PCDHA6: variants seen among roughly 807,000 people sequenced by gnomAD.
The protein encoded by PCDHA6 is protocadherin alpha 6.
PCDHA6 carries 55 observed loss-of-function variants against 60.3 expected under a neutral mutation model. That is an observed-to-expected ratio of 0.91 (90% CI 0.73 to 1.14). The LOEUF is 1.14. Ranked by LOEUF, PCDHA6 falls within the 50% of genes most tolerant of loss-of-function variation. The pLI is 0.00. For missense variants in PCDHA6, 1,327 were observed against 1,256.5 expected (o/e 1.06, Z -0.85); for synonymous variants, 652 against 557.9 (o/e 1.17, Z -2.38).
rs1781486578 is a variant in PCDHA6, at chr5:140,848,384, T to G, written c.2394+17899T>G. Reference sequence around the variant, plus strand: ...GGAAAGAGGCTCAATTCTTTTTCACTCTCTCTGTGCTGAACGATGGCGAAC... The same window carrying G: ...GGAAAGAGGCTCAATTCTTTTTCACGCTCTCTGTGCTGAACGATGGCGAAC... On this transcript the variant is annotated intron_variant, in intron 1 of 3. Transcript: ENST00000529310. 4 of 1,203,868 alleles carry G rather than the reference T, an allele frequency of 3.3e-6. No homozygotes were observed. In the East Asian group the frequency reaches 9.3e-5, roughly 28 times the overall value. The allele number at this position is 1,203,868 out of a possible 1,614,324, so 74.6% of individuals were successfully genotyped here. A position where few individuals can be genotyped will look rare whatever the true frequency, so the allele number is the denominator to read the frequency against.
chr5:140,863,361 C>T (rs1562578610), intron 1 of PCDHA6: 1 of 1,203,518 alleles, frequency 8.3e-7, no homozygotes. Flanking sequence ...CGCTGCGGTG[C>T]TTGGCGCAGC....
chr5:140,906,137 G>C (rs1462672499), intron 1 of PCDHA6, among the ~76,000 whole-genome samples: 1 of 152,008 alleles, frequency 6.6e-6, no homozygotes, highest in East Asian at 1.9e-4. Context: ...AGTCTCCTTT[G>C]ATAACACCCT....
intron 1 of PCDHA6, among the ~76,000 whole-genome samples, chr5:140,886,732 A>C (rs1457707116): frequency 3.9e-5 from 6 of 151,952 alleles, no homozygotes; most frequent in Non-Finnish European, 8.8e-5. Flanking sequence ...AGGCTGAAGC[A>C]AGAGAATTGC....
intron 1 of PCDHA6, among the ~76,000 whole-genome samples, chr5:140,939,735 G>A (rs2092448026): frequency 6.6e-6 from 1 of 152,174 alleles, no homozygotes; most frequent in South Asian, 2.1e-4. Flanking sequence ...GTGTGTAGCT[G>A]TGTATCATTC....
At chr5:140,922,802 GA>G (rs1475670811) in intron 1 of PCDHA6, among the ~76,000 whole-genome samples, 1 of 152,162 alleles carries the variant, frequency 6.6e-6, no homozygotes, top group African/African-American at 2.4e-5. Flanking sequence ...TTGGAATACA[GA>G]AAAAGGAGAT....
chr5:140,911,885 A>T (rs1242639819), intron 1 of PCDHA6, among the ~76,000 whole-genome samples: 1 of 152,216 alleles, frequency 6.6e-6, no homozygotes, highest in Non-Finnish European at 1.5e-5. Flanking sequence ...TCCTGGGACC[A>T]AAATCTGTAT....
chr5:140,835,632 A>G (rs2150240011), intron 1 of PCDHA6: 1 of 1,613,722 alleles, frequency 6.2e-7, no homozygotes. Flanking sequence ...GGACCGCGAG[A>G]GTGTGTCCGC....
At chr5:140,837,492 T>A (rs1775076857) in intron 1 of PCDHA6, among the ~76,000 whole-genome samples, 1 of 140,282 alleles carries the variant, frequency 7.1e-6, no homozygotes, top group Non-Finnish European at 1.5e-5. Flanking sequence ...TTACTTTACC[T>A]TTCTGAATTT....
At chr5:140,927,306 G>A (rs782091835) in intron 1 of PCDHA6, 1 of 1,614,158 alleles carries the variant, frequency 6.2e-7, no homozygotes, top group Admixed American at 1.7e-5. Flanking sequence ...AGTTCCTGAC[G>A]CCCGGAGCCC....
chr5:140,877,606 G>A, intron 1 of PCDHA6: 1 of 1,613,888 alleles, frequency 6.2e-7, no homozygotes, highest in Non-Finnish European at 8.5e-7. Flanking sequence ...CAGCCTGCTG[G>A]TGCTCACGCT....
rs2150445484 is a variant in PCDHA6, at chr5:140,849,697, A to T, written c.2394+19212A>T. The T allele has an allele frequency of 1.8e-5, 29 of 1,598,622 alleles. 2 individuals carry two copies. Among genetic ancestry groups the T allele is most frequent in the Middle Eastern group, 1.7e-4 (1 of 5,912 alleles). ...GTCCCCTTCAAGCTGGTGTCCACCTACAAGAATTACTACTCGTTGGTGCTG... is the reference window on the plus strand; with the variant it reads ...GTCCCCTTCAAGCTGGTGTCCACCTTCAAGAATTACTACTCGTTGGTGCTG... On this transcript the variant is annotated intron_variant, in intron 1 of 3. Coordinates refer to ENST00000529310, the MANE Select transcript of PCDHA6 (RefSeq NM_018909.4).
rs1554131172 is a variant in PCDHA6 at position 140,828,290 on chromosome 5, G to C, written c.199G>C (p.Ala67Pro). Residue 67 changes from alanine (A) to proline (P), a missense_variant, in exon 1 of 4, where the codon GCC becomes CCC. Coordinates refer to ENST00000529310, the MANE Select transcript of PCDHA6 (RefSeq NM_018909.4). ...GCTGGTGCCGCGCCTGTTCAGGATG[G>C]CCTCCAAAGACCGCGAGGACCTTCT... is the stretch of plus-strand genomic sequence containing the variant. ...AELVPRLFRM[A>P]SKDREDLLEV... 2 of 1,614,002 alleles carry C rather than the reference G, an allele frequency of 1.2e-6. No individual in the cohort carries two copies. The highest frequency in any genetic ancestry group is 1.3e-5 in the African/African-American group (1 of 74,940).
intron 1 of PCDHA6, among the ~76,000 whole-genome samples, chr5:140,914,462 G>A (rs1554196374): frequency 6.6e-6 from 1 of 152,068 alleles, no homozygotes; most frequent in East Asian, 1.9e-4. Context: ...CAGTCTATGT[G>A]TATCTTCATA....
chr5:140,876,476 T>G, intron 1 of PCDHA6: 1 of 1,614,036 alleles, frequency 6.2e-7, no homozygotes, highest in Non-Finnish European at 8.5e-7. Context: ...GGTCACAGCA[T>G]GGTCCTGGTG....
rs1207602014 is a variant in PCDHA6 at position 140,886,275 on chromosome 5, T to A, written c.2394+55790T>A. On this transcript the variant is annotated intron_variant, in intron 1 of 3. Transcript: ENST00000529310. ...ATCTCTATTTATAGATAAAATTTTT[T>A]AAAATTATTTTTATATTTATTTATT... 5.9e-5 allele frequency among the ~76,000 whole-genome samples: 9 copies of A among 152,098 alleles called. No homozygotes were observed. In the East Asian group the frequency reaches 1.5e-3, roughly 26 times the overall value.
intron 1 of PCDHA6, among the ~76,000 whole-genome samples, chr5:140,891,044 C>G (rs1167178710): frequency 6.6e-6 from 1 of 152,030 alleles, no homozygotes; most frequent in Non-Finnish European, 1.5e-5. Flanking sequence ...GTGTGACCCC[C>G]ACAGCACATA....
intron 1 of PCDHA6, chr5:140,834,282 A>C: frequency 8.7e-7 from 1 of 1,148,074 alleles, no homozygotes; most frequent in Admixed American, 2.3e-5. Context: ...CTTTGGATGC[A>C]CAACAATGGC....
chr5:140,996,918 A>T lies in PCDHA6; in HGVS notation c.2543-12709A>T, dbSNP rs10036183. On this transcript the variant is annotated intron_variant, in intron 3 of 3. Transcript: ENST00000529310. ...GAATTACATTGTTGAAGTAAATATT[A>T]AAAAATATAGCATTTTTGCATAGAA... Among the ~76,000 whole-genome samples, 492 of 152,328 alleles carry T rather than the reference A, an allele frequency of 3.2e-3. 4 individuals are homozygous for T. Among genetic ancestry groups the T allele is most frequent in the African/African-American group, 0.011 (464 of 41,562 alleles).
intron 1 of PCDHA6, among the ~76,000 whole-genome samples, chr5:140,975,653 A>T (rs2096676885): frequency 6.6e-6 from 1 of 152,230 alleles, no homozygotes; most frequent in South Asian, 2.1e-4. Context: ...TATTTCATTG[A>T]GTAGTTGTGT....
Sources: gnomAD v4.1 joint callset for allele counts (sites outside exome capture counted in the v4.1 genomes callset) on GRCh38, gnomAD v4.1.1 for gene constraint, MANE v1.5 for transcripts, NCBI Gene and HGNC (gene_info 2026-07-23, HGNC 2026-07-21) for gene names.